Variants in SEMA5A observed in about 807,000 individuals in gnomAD.
SEMA5A encodes the protein semaphorin 5A.
Under a neutral mutation model 135.5 loss-of-function variants are expected in SEMA5A, and 55 were observed. The ratio of observed to expected loss-of-function variants is 0.41; its 90% CI spans 0.33 to 0.51. The LOEUF (loss-of-function observed/expected upper bound fraction) is 0.51, where lower values mean the gene tolerates loss of function less well. SEMA5A is among the 20% of genes least tolerant of loss of function. SEMA5A has a pLI of 0.37. For missense variants in SEMA5A, 1,290 were observed against 1,419.9 expected (o/e 0.91, Z 1.47); for synonymous variants, 580 against 546.5 (o/e 1.06, Z -0.85).
intron 16 of SEMA5A, among the ~76,000 whole-genome samples, chr5:9,102,584 T>A (rs1210165042): frequency 6.6e-6 from 1 of 152,202 alleles, no homozygotes; most frequent in Non-Finnish European, 1.5e-5. Context: ...ATATAGTATT[T>A]ATATCATTAA....
chr5:9,221,586 GC>G (rs1411829167), intron 8 of SEMA5A, among the ~76,000 whole-genome samples: 2 of 152,164 alleles, frequency 1.3e-5, no homozygotes, highest in African/African-American at 4.8e-5. Context: ...ACAGGCGTGA[GC>G]CACCGCGCCT....
In SEMA5A at chr5:9,042,637, T is replaced by C. The variant is rs1381398809; in HGVS notation, c.*260A>G. The C allele has an allele frequency of 1.2e-5, 5 of 405,072 alleles. No individual in the cohort carries two copies. Among genetic ancestry groups the C allele is most frequent in the Non-Finnish European group, 1.8e-5 (4 of 227,532 alleles). 25.1% of individuals were successfully genotyped at this position (405,072 alleles called of 1,614,324 possible). A position where few individuals can be genotyped will look rare whatever the true frequency, so the allele number is the denominator to read the frequency against. On this transcript the variant is annotated 3_prime_UTR_variant, in exon 23 of 23. Transcript: ENST00000382496. Reference sequence around the variant, plus strand: ...CTCAAAAAACAAACCAATGGACTTGTCAGAAAAATAGGATGAACACAATTA... The same window carrying C: ...CTCAAAAAACAAACCAATGGACTTGCCAGAAAAATAGGATGAACACAATTA...
chr5:9,049,797 C>T (rs902636265), intron 21 of SEMA5A, among the ~76,000 whole-genome samples: 1 of 152,172 alleles, frequency 6.6e-6, no homozygotes, highest in Admixed American at 6.5e-5. Context: ...ATGTAAGGCA[C>T]AGACTGTAAA....
intron 2 of SEMA5A, among the ~76,000 whole-genome samples, chr5:9,400,384 C>G (rs1258132590): frequency 6.6e-6 from 1 of 151,542 alleles, no homozygotes; most frequent in African/African-American, 2.4e-5. Context: ...AAAATAAATT[C>G]TTTTTATCAT....
rs139588038 is a variant in SEMA5A, at chr5:9,326,024, G to A, written c.225-7607C>T. Among the ~76,000 whole-genome samples the A allele has an allele frequency of 8.9e-4, 136 of 152,248 alleles. 1 individual carries two copies. The highest frequency in any genetic ancestry group is 3.0e-3 in the African/African-American group (126 of 41,572). On this transcript the variant is annotated intron_variant, in intron 4 of 22. Coordinates refer to ENST00000382496, the MANE Select transcript of SEMA5A (RefSeq NM_003966.3). ...AAAAGTTTAGACCAAGGCTGATCAC[G>A]AAACAATCCAAAGACAAAACAGACA... is the stretch of plus-strand genomic sequence containing the variant.
At chr5:9,278,089 A>C (rs1047147800) in intron 5 of SEMA5A, among the ~76,000 whole-genome samples, 1 of 150,364 alleles carries the variant, frequency 6.7e-6, no homozygotes, top group Non-Finnish European at 1.5e-5. Flanking sequence ...GTATTTACTA[A>C]ATGTTATTAA....
chr5:9,324,554 G>A (rs1752784185), intron 4 of SEMA5A, among the ~76,000 whole-genome samples: 2 of 152,166 alleles, frequency 1.3e-5, no homozygotes. Context: ...TTCCAAGCCA[G>A]CTGGCAACAT....
intron 15 of SEMA5A, among the ~76,000 whole-genome samples, chr5:9,114,839 G>GACT (rs1740428866): frequency 6.6e-6 from 1 of 152,192 alleles, no homozygotes; most frequent in African/African-American, 2.4e-5. Flanking sequence ...GTTAGGGAAG[G>GACT]TTGGAATACA....
rs114450291 is a variant in SEMA5A, at chr5:9,435,282, T to C, written c.-78+2474A>G. 7.1e-3 allele frequency among the ~76,000 whole-genome samples: 1,083 copies of C among 152,254 alleles called. 14 individuals carry two copies. Among genetic ancestry groups the C allele is most frequent in the African/African-American group, 0.025 (1,028 of 41,558 alleles). ...AAGGGTGCAAACTAACAGTGTCACATTCAGAAACTATATAAAAACCAAAGT... is the reference window on the plus strand; with the variant it reads ...AAGGGTGCAAACTAACAGTGTCACACTCAGAAACTATATAAAAACCAAAGT... On this transcript the variant is annotated intron_variant, in intron 2 of 22. Transcript: ENST00000382496.
intron 4 of SEMA5A, among the ~76,000 whole-genome samples, chr5:9,324,564 T>A (rs1752784863): frequency 6.6e-6 from 1 of 152,142 alleles, no homozygotes; most frequent in Non-Finnish European, 1.5e-5. Flanking sequence ...GCTGGCAACA[T>A]GAGGGACTTG....
At position 9,037,799 on chromosome 5, in the gene SEMA5A, G is replaced by A. The variant is rs1477742635; in HGVS notation, c.*5098C>T. 6.6e-6 allele frequency: 1 copy of A among 152,054 alleles called. No individual in the cohort carries two copies. The highest frequency in any genetic ancestry group is 1.9e-4 in the East Asian group (1 of 5,192). 9.4% of individuals were successfully genotyped at this position (152,054 alleles called of 1,614,324 possible). ...AATTCCTTGGCTTAGTGTTTGTAGAGTTTAAAAAAAAATCTTTAAATCCAT... is the reference window on the plus strand; with the variant it reads ...AATTCCTTGGCTTAGTGTTTGTAGAATTTAAAAAAAAATCTTTAAATCCAT... On this transcript the variant is annotated 3_prime_UTR_variant, in exon 23 of 23. Coordinates refer to ENST00000382496, the MANE Select transcript of SEMA5A (RefSeq NM_003966.3).
intron 13 of SEMA5A, among the ~76,000 whole-genome samples, chr5:9,132,810 T>C (rs746611722): frequency 1.3e-5 from 2 of 152,246 alleles, no homozygotes; most frequent in Non-Finnish European, 2.9e-5. Flanking sequence ...CAGGATCTCC[T>C]GTCTTTCATT....
At chr5:9,120,926 G>A (rs1292501691) in intron 14 of SEMA5A, among the ~76,000 whole-genome samples, 1 of 151,974 alleles carries the variant, frequency 6.6e-6, no homozygotes, top group African/African-American at 2.4e-5. Flanking sequence ...TTACAGGCAT[G>A]TGCCACCATG....
chr5:9,470,981 C>A (rs966063618), intron 1 of SEMA5A, among the ~76,000 whole-genome samples: 1 of 152,086 alleles, frequency 6.6e-6, no homozygotes, highest in Non-Finnish European at 1.5e-5. Context: ...TTTATCAAAA[C>A]ATTAATAATA....
intron 2 of SEMA5A, among the ~76,000 whole-genome samples, chr5:9,398,878 G>T (rs771045112): frequency 6.6e-6 from 1 of 152,140 alleles, no homozygotes; most frequent in Non-Finnish European, 1.5e-5. Flanking sequence ...TGTCTGAATC[G>T]GAAACCACTG....
chr5:9,215,483 G>C (rs896293905), intron 8 of SEMA5A, among the ~76,000 whole-genome samples: 1 of 152,092 alleles, frequency 6.6e-6, no homozygotes, highest in Non-Finnish European at 1.5e-5. Flanking sequence ...ATAAGGAAAG[G>C]CTAATTTAGA....
chr5:9,476,050 A>C (rs751053537), intron 1 of SEMA5A, among the ~76,000 whole-genome samples: 1 of 152,232 alleles, frequency 6.6e-6, no homozygotes, highest in Non-Finnish European at 1.5e-5. Context: ...ACCTTTCTTC[A>C]TTCACCCTTC....
chr5:9,517,408 A>G (rs1270250737), intron 1 of SEMA5A: 2 of 152,196 alleles, frequency 1.3e-5, no homozygotes, highest in Admixed American at 6.5e-5. Context: ...TGGCATCAGT[A>G]TTATCTGGAA....
At chr5:9,118,873 T>G (rs1740656188) in intron 15 of SEMA5A, 125 bp downstream of exon 15, 2 of 1,222,058 alleles carry the variant, frequency 1.6e-6, no homozygotes, top group South Asian at 3.2e-5. Context: ...GACGACTGGC[T>G]CAGCGGAAAG....
Sources: allele counts gnomAD v4.1 joint callset (sites outside exome capture counted in the v4.1 genomes callset), GRCh38; gene constraint gnomAD v4.1.1; transcripts MANE v1.5; gene names NCBI Gene and HGNC (gene_info 2026-07-23, HGNC 2026-07-21).